The following DTD1 variants were observed in gnomAD, a reference collection of about 807,000 sequenced individuals.
DTD1 encodes the protein D-aminoacyl-tRNA deacylase 1, also known as D-tyrosyl-tRNA deacylase 1 homolog.
A neutral mutation model predicts 25.6 loss-of-function variants in DTD1; 13 were observed. The observed-to-expected ratio is 0.51, with a 90% CI of 0.33 to 0.81. DTD1 has a LOEUF of 0.81. Among genes scored for constraint, DTD1 ranks in the 30% least tolerant of loss-of-function variants. The pLI is 0.02. For synonymous variants in DTD1, 110 were observed against 103.6 expected (o/e 1.06, Z -0.37); for missense variants, 193 against 266.4 (o/e 0.72, Z 1.92).
At position 18,743,222 on chromosome 20, in the gene DTD1, C is replaced by T. The variant is rs78866462; in HGVS notation, c.478-878C>T. 3.2e-3 allele frequency among the ~76,000 whole-genome samples: 488 copies of T among 152,304 alleles called. 16 individuals carry two copies. The East Asian group carries it at 0.056, about 18-fold the overall frequency. ...ATGTCCCCTGCTGGCCTGGTGGGAG[C>T]CTAAGAAGGCTCTAGTGGCCAGTGT... On this transcript the variant is annotated intron_variant, in intron 4 of 5. Transcript: ENST00000377452.
chr20:18,599,975 G>T (rs951898607), intron 3 of DTD1, among the ~76,000 whole-genome samples: 1 of 152,098 alleles, frequency 6.6e-6, no homozygotes, highest in Non-Finnish European at 1.5e-5. Context: ...TATCAGATAT[G>T]TCTTCTGTGA....
intron 4 of DTD1, among the ~76,000 whole-genome samples, chr20:18,647,823 A>G (rs985103783): frequency 7.2e-5 from 11 of 152,152 alleles, no homozygotes; most frequent in South Asian, 2.1e-4. Context: ...TGGCAGATAG[A>G]TTGGACTGGG....
intron 4 of DTD1, among the ~76,000 whole-genome samples, chr20:18,674,018 G>A (rs6112058): frequency 2.0e-5 from 3 of 151,578 alleles, no homozygotes; most frequent in African/African-American, 7.3e-5. Flanking sequence ...AAATTTCTCA[G>A]GATTACCTTT....
intron 4 of DTD1, among the ~76,000 whole-genome samples, chr20:18,663,492 A>G (rs2060919528): frequency 6.6e-6 from 1 of 152,242 alleles, no homozygotes; most frequent in South Asian, 2.1e-4. Context: ...TTTGGTTAAC[A>G]ATGGGATCCA....
intron 3 of DTD1, among the ~76,000 whole-genome samples, chr20:18,627,298 A>G (rs558576169): frequency 1.3e-4 from 20 of 152,306 alleles, no homozygotes; most frequent in Admixed American, 1.1e-3. Flanking sequence ...GCAGGAACAG[A>G]GACTCATGGA....
chr20:18,669,017 T>C (rs1208458352), intron 4 of DTD1, among the ~76,000 whole-genome samples: 5 of 152,214 alleles, frequency 3.3e-5, no homozygotes, highest in Non-Finnish European at 7.3e-5. Context: ...CTTGATGGCT[T>C]GGCTCCATCC....
At position 18,627,772 on chromosome 20, in the gene DTD1, G is replaced by C. The variant is rs2060765507; in HGVS notation, c.371-355G>C. 2.0e-5 allele frequency among the ~76,000 whole-genome samples: 3 copies of C among 152,090 alleles called. No homozygotes were observed. In the South Asian group the frequency reaches 6.2e-4, roughly 31 times the overall value. On this transcript the variant is annotated intron_variant, in intron 3 of 5. Transcript: ENST00000377452. ...TCATATGTTTTGTGGGAGGAACCTG[G>C]TAGGAGGTAATTGAATCATGGGGGC...
intron 3 of DTD1, among the ~76,000 whole-genome samples, chr20:18,596,731 T>C (rs1380593835): frequency 2.0e-5 from 2 of 101,116 alleles, no homozygotes; most frequent in African/African-American, 5.9e-5. Flanking sequence ...TTACATTCTC[T>C]TTTTTTTTTT....
intron 4 of DTD1, among the ~76,000 whole-genome samples, chr20:18,672,123 A>G (rs35121912): frequency 0.18 from 27,276 of 151,988 alleles, 2,643 homozygotes; most frequent in East Asian, 0.35. Flanking sequence ...GGTCTCAGCT[A>G]CTCAGGAGGC....
At chr20:18,670,881 T>C (rs1447212671) in intron 4 of DTD1, among the ~76,000 whole-genome samples, 1 of 152,240 alleles carries the variant, frequency 6.6e-6, no homozygotes, top group Non-Finnish European at 1.5e-5. Flanking sequence ...GAGTCTCAAG[T>C]GCTAGTGGCA....
chr20:18,632,551 C>A (rs530900839), intron 4 of DTD1: 1 of 985,380 alleles, frequency 1.0e-6, no homozygotes, highest in South Asian at 4.7e-5. Context: ...CAGCCAAATT[C>A]TTTTTACTGA....
intron 4 of DTD1, among the ~76,000 whole-genome samples, chr20:18,723,293 C>T (rs1444413084): frequency 6.6e-6 from 1 of 152,184 alleles, no homozygotes; most frequent in East Asian, 1.9e-4. Flanking sequence ...TGCTAAGTCA[C>T]CTCTAGCCTA....
chr20:18,683,534 G>T (rs1390376422), intron 4 of DTD1, among the ~76,000 whole-genome samples: 7 of 152,218 alleles, frequency 4.6e-5, no homozygotes, highest in Non-Finnish European at 8.8e-5. Flanking sequence ...TGAGATTCCA[G>T]TGCTTGCTGC....
At chr20:18,708,229 A>T (rs1343562464) in intron 4 of DTD1, among the ~76,000 whole-genome samples, 1 of 5,000 alleles carries the variant, frequency 2.0e-4, no homozygotes, top group Non-Finnish European at 6.1e-4. Flanking sequence ...ATATATATAT[A>T]TTTTATATAT....
At chr20:18,676,025 A>G (rs1470426384) in intron 4 of DTD1, among the ~76,000 whole-genome samples, 2 of 152,170 alleles carry the variant, frequency 1.3e-5, no homozygotes, top group African/African-American at 4.8e-5. Flanking sequence ...GCCATAAGAC[A>G]TATCATAGTT....
At chr20:18,747,855 C>CA (rs11483388) in intron 5 of DTD1, among the ~76,000 whole-genome samples, 24,362 of 142,294 alleles carry the variant, frequency 0.17, 2,184 homozygotes, top group Non-Finnish European at 0.21. Flanking sequence ...ATAAAAAATA[C>CA]AAAAAAAAAA....
At chr20:18,636,011 C>G (rs2060805978) in intron 4 of DTD1, among the ~76,000 whole-genome samples, 1 of 152,168 alleles carries the variant, frequency 6.6e-6, no homozygotes, top group Admixed American at 6.5e-5. Flanking sequence ...AGCAAAATAT[C>G]TGTTTTGCTT....
chr20:18,734,102 G>C lies in DTD1; in HGVS notation c.478-9998G>C, dbSNP rs117755799. On this transcript the variant is annotated intron_variant, in intron 4 of 5. Transcript: ENST00000377452. The stretch of plus-strand genomic sequence containing the variant: ...GTTTTAAACATGTTTTTATCAGCTA[G>C]AGGTAATGTACGGATGTAGGTCTCT... Among the ~76,000 whole-genome samples, 63 of 152,334 alleles carry C rather than the reference G, an allele frequency of 4.1e-4. No individual in the cohort carries two copies. The East Asian group carries it at 8.1e-3, about 20-fold the overall frequency.
intron 4 of DTD1, among the ~76,000 whole-genome samples, chr20:18,738,954 G>A (rs1482727888): frequency 2.0e-5 from 3 of 152,232 alleles, no homozygotes; most frequent in African/African-American, 7.2e-5. Flanking sequence ...TGTTTGAAAA[G>A]AAAGTGCGAA....
Sources: gnomAD v4.1 joint callset for allele counts (sites outside exome capture counted in the v4.1 genomes callset) on GRCh38, gnomAD v4.1.1 for gene constraint, MANE v1.5 for transcripts, NCBI Gene and HGNC (gene_info 2026-07-23, HGNC 2026-07-21) for gene names.